MAOB: variants seen among roughly 807,000 people sequenced by gnomAD.
MAOB encodes amine oxidase [flavin-containing] B.
MAOB carries 15 observed loss-of-function variants against 41.9 expected under a neutral mutation model. The ratio of observed to expected loss-of-function variants is 0.36; its 90% CI spans 0.24 to 0.55. The LOEUF (loss-of-function observed/expected upper bound fraction) is 0.55, where lower values mean the gene tolerates loss of function less well. Among genes scored for constraint, MAOB ranks in the 20% least tolerant of loss-of-function variants. MAOB has a pLI of 0.86. For missense variants in MAOB, 345 were observed against 398.7 expected (o/e 0.87, Z 1.15); for synonymous variants, 167 against 144.2 (o/e 1.16, Z -1.13).
chrX:43,852,068 C>T (rs947707078), intron 1 of MAOB, among the ~76,000 whole-genome samples: 4 of 111,826 alleles, frequency 3.6e-5, no homozygotes, highest in Non-Finnish European at 7.5e-5. Context: ...CCCAAAAGGC[C>T]ACCTCCTGGC....
intron 3 of MAOB, among the ~76,000 whole-genome samples, chrX:43,816,230 T>C (rs1444544185): frequency 8.9e-6 from 1 of 111,829 alleles, no homozygotes; most frequent in Admixed American, 9.5e-5. Context: ...TAAGGGAACA[T>C]GAGGAGGCCT....
intron 3 of MAOB, among the ~76,000 whole-genome samples, chrX:43,817,325 A>C (rs1170624771): frequency 9.1e-6 from 1 of 110,169 alleles, no homozygotes. Context: ...CAGTTGCTTG[A>C]CTTCTTTTTT....
chrX:43,868,864 T>C (rs1489811604), intron 1 of MAOB, among the ~76,000 whole-genome samples: 2 of 111,020 alleles, frequency 1.8e-5, no homozygotes, highest in African/African-American at 6.6e-5. Context: ...CTTGTGTGTG[T>C]GTGTGTGTGT....
intron 3 of MAOB, among the ~76,000 whole-genome samples, chrX:43,819,851 A>T (rs1216544226): frequency 8.9e-6 from 1 of 112,254 alleles, no homozygotes; most frequent in Non-Finnish European, 1.9e-5. Flanking sequence ...TGCTACAAAC[A>T]TACTCAAATA....
At chrX:43,873,979 G>T (rs1404653938) in intron 1 of MAOB, among the ~76,000 whole-genome samples, 1 of 111,939 alleles carries the variant, frequency 8.9e-6, no homozygotes, top group African/African-American at 3.2e-5. Context: ...CCGGCCGACA[G>T]TTTTTATATA....
At chrX:43,826,028 T>C (rs1288412087) in intron 3 of MAOB, among the ~76,000 whole-genome samples, 1 of 112,535 alleles carries the variant, frequency 8.9e-6, no homozygotes, top group East Asian at 2.8e-4. Flanking sequence ...AATTTTATTT[T>C]AGGCATACCA....
At chrX:43,771,403 C>T (rs1474928994) in intron 12 of MAOB, among the ~76,000 whole-genome samples, 2 of 111,958 alleles carry the variant, frequency 1.8e-5, no homozygotes, top group Non-Finnish European at 3.8e-5. Flanking sequence ...ATATTCAGTA[C>T]ATTAGGTGTA....
At chrX:43,870,566 C>T (rs926292650) in intron 1 of MAOB, among the ~76,000 whole-genome samples, 1 of 110,076 alleles carries the variant, frequency 9.1e-6, no homozygotes, top group Admixed American at 9.7e-5. Flanking sequence ...GAGGCTGAGG[C>T]GGGCGGATCA....
chrX:43,790,528 AGTT>A (rs1451651766), intron 8 of MAOB, among the ~76,000 whole-genome samples: 1 of 112,001 alleles, frequency 8.9e-6, no homozygotes, highest in African/African-American at 3.3e-5. Flanking sequence ...AATACATTAA[AGTT>A]GTAACTCAAA....
chrX:43,798,017 G>A (rs1316887361), intron 5 of MAOB, among the ~76,000 whole-genome samples: 2 of 111,822 alleles, frequency 1.8e-5, no homozygotes, highest in African/African-American at 6.5e-5. Context: ...TTACTCTAAT[G>A]TTTCCTTAGA....
At chrX:43,770,703 C>T (rs2034171587) in intron 12 of MAOB, among the ~76,000 whole-genome samples, 2 of 111,890 alleles carry the variant, frequency 1.8e-5, no homozygotes, top group Admixed American at 9.5e-5. Context: ...CCAAGAGCCA[C>T]ACTCCTAGAA....
At chrX:43,800,071 T>C (rs1239188267) in intron 5 of MAOB, among the ~76,000 whole-genome samples, 1 of 111,773 alleles carries the variant, frequency 8.9e-6, no homozygotes, top group Non-Finnish European at 1.9e-5. Flanking sequence ...CAGGAAATAA[T>C]ACTGTGTGTA....
chrX:43,824,588 CAGG>C (rs2147153321), intron 3 of MAOB, among the ~76,000 whole-genome samples: 1 of 111,525 alleles, frequency 9.0e-6, no homozygotes, highest in South Asian at 3.8e-4. Flanking sequence ...GAGGCTGAGG[CAGG>C]AGAATTGCTT....
intron 3 of MAOB, among the ~76,000 whole-genome samples, chrX:43,831,558 G>A (rs1335947965): frequency 1.8e-5 from 2 of 110,552 alleles, no homozygotes; most frequent in African/African-American, 6.6e-5. Flanking sequence ...GGATGACTGA[G>A]AGAGGGAGGA....
At position 43,768,670 on chromosome X, in the gene MAOB, G is replaced by A. The variant is rs2034141887; in HGVS notation, c.1394C>T (p.Ser465Leu). Residue 465 changes from serine to leucine, a missense_variant, in exon 14 of 15, where the codon TCA becomes TTA. Physicochemically the swap from Ser to Leu is moderately radical, Grantham distance 145. Coordinates refer to ENST00000378069, the MANE Select transcript of MAOB (RefSeq NM_000898.5). Reference protein sequence around the residue: ...GKIPEDEIWQSEPESVDVPAQ... With the variant: ...GKIPEDEIWQLEPESVDVPAQ... ...ATAGCCTACCACAGACTCTGGTTCT[G>A]ACTGCCAGATTTCATCCTCTGGAAT... 8.3e-7 allele frequency: 1 copy of A among 1,207,290 alleles called. No individual in the cohort carries two copies. The highest frequency in any genetic ancestry group is 1.1e-6 in the Non-Finnish European group (1 of 892,945).
At chrX:43,791,168 G>A (rs1430297511) in intron 8 of MAOB, among the ~76,000 whole-genome samples, 2 of 111,914 alleles carry the variant, frequency 1.8e-5, no homozygotes, top group Admixed American at 9.5e-5. Context: ...TCCAATAGCA[G>A]TCCTAAACGT....
Position 43,803,306 on chromosome X carries a change from C to T in MAOB, c.378G>A (p.Gly126=), listed in dbSNP as rs1460213664. The T allele has an allele frequency of 3.5e-6, 4 of 1,150,571 alleles. No individual in the cohort carries two copies. Among genetic ancestry groups the T allele is most frequent in the Non-Finnish European group, 4.6e-6 (4 of 869,618 alleles). 94.8% of individuals were successfully genotyped at this position (1,150,571 alleles called of 1,213,427 possible). ...ATAGTCAAAGAAGCTTTACCTCTCGCCCCATGTCATCCATTGTCCTCCAAA... is the reference window on the plus strand; with the variant it reads ...ATAGTCAAAGAAGCTTTACCTCTCGTCCCATGTCATCCATTGTCCTCCAAA... The part of the protein sequence containing the change: ...NNFWRTMDDM[G]REIPSDAPWK... The change falls in exon 4 of 15, where the codon GGG becomes GGA. Residue 126 remains glycine, a synonymous_variant. Coordinates refer to ENST00000378069, the MANE Select transcript of MAOB (RefSeq NM_000898.5).
At chrX:43,839,060 CAA>C (rs2035103314) in intron 2 of MAOB, 55 bp from the exon 3 acceptor site, 1 of 912,511 alleles carries the variant, frequency 1.1e-6, no homozygotes, top group Non-Finnish European at 1.5e-6. Context: ...TATAAAATAA[CAA>C]AAGACAGTCC....
At chrX:43,851,833 G>A (rs2035254241) in intron 1 of MAOB, among the ~76,000 whole-genome samples, 1 of 111,895 alleles carries the variant, frequency 8.9e-6, no homozygotes, top group Non-Finnish European at 1.9e-5. Context: ...GTCTGAGTGT[G>A]ATGTAATCAG....
Sources: gnomAD v4.1 joint callset for allele counts (sites outside exome capture counted in the v4.1 genomes callset) on GRCh38, gnomAD v4.1.1 for gene constraint, MANE v1.5 for transcripts, NCBI Gene and HGNC (gene_info 2026-07-23, HGNC 2026-07-21) for gene names.